SLC9B2: variants seen among roughly 807,000 people sequenced by gnomAD.
SLC9B2 encodes the protein sodium/hydrogen exchanger 9B2.
SLC9B2 carries 39 observed loss-of-function variants against 52.2 expected under a neutral mutation model. The observed-to-expected ratio is 0.75, with a 90% CI of 0.58 to 0.98. SLC9B2 has a LOEUF of 0.98. Ranked by LOEUF, SLC9B2 falls within the 50% of genes least tolerant of loss-of-function variation. The probability of loss-of-function intolerance (pLI) is 0.00; values close to 1 mark genes in which losing one functional copy is unlikely to be tolerated. For synonymous variants in SLC9B2, 214 were observed against 227.0 expected (o/e 0.94, Z 0.51); for missense variants, 626 against 637.5 (o/e 0.98, Z 0.19).
chr4:103,073,988 G>T (rs1245472169), intron 1 of SLC9B2, among the ~76,000 whole-genome samples: 1 of 152,174 alleles, frequency 6.6e-6, no homozygotes, highest in Non-Finnish European at 1.5e-5. Context: ...TATTGGCTAA[G>T]GAGTGAGCAT....
intron 8 of SLC9B2, among the ~76,000 whole-genome samples, chr4:103,044,642 C>T (rs910750057): frequency 5.9e-5 from 9 of 152,112 alleles, no homozygotes; most frequent in African/African-American, 9.7e-5. Context: ...TACTTTGGAA[C>T]GATATTATTT....
chr4:103,051,055 G>A (rs898825367), intron 4 of SLC9B2, among the ~76,000 whole-genome samples: 17 of 152,252 alleles, frequency 1.1e-4, no homozygotes, highest in African/African-American at 4.1e-4. Flanking sequence ...AGGCATGAGG[G>A]GGATGTTACA....
chr4:103,027,709 T>C (rs753076319), intron 11 of SLC9B2, among the ~76,000 whole-genome samples: 7 of 152,166 alleles, frequency 4.6e-5, no homozygotes, highest in Non-Finnish European at 8.8e-5. Flanking sequence ...CCTTCTATAA[T>C]AGAACTCCTG....
rs115134305 is a variant in SLC9B2 at position 103,047,066 on chromosome 4, T to C, written c.874A>G (p.Ile292Val). Residue 292 changes from isoleucine (I) to valine (V), a missense_variant, in exon 7 of 12, where the codon ATA (isoleucine) becomes GTA (valine). By Grantham distance (29) the Ile-to-Val change is conservative (BLOSUM62 3). Coordinates refer to ENST00000394785, the MANE Select transcript of SLC9B2 (RefSeq NM_178833.7). ...ATTAGGTTACCTGTGGAAAAGGCTATGCCCAAGCATGTGTTGAAGCCAGTG... is the reference window on the plus strand; with the variant it reads ...ATTAGGTTACCTGTGGAAAAGGCTACGCCCAAGCATGTGTTGAAGCCAGTG... ...AITGFNTCLG[I>V]AFSTGSTVFN... 9.8e-5 allele frequency: 158 copies of C among 1,614,002 alleles called. 2 individuals are homozygous for C. The African/African-American group carries it at 2.0e-3, about 20-fold the overall frequency.
rs780126113 is a variant in SLC9B2 at position 103,028,794 on chromosome 4, C to A, written c.1345G>T (p.Glu449Ter). 16 of 1,609,630 alleles carry A rather than the reference C, an allele frequency of 9.9e-6. No individual in the cohort carries two copies. The Admixed American group carries it at 2.4e-4, about 24-fold the overall frequency. ...MVCFAGFNLK[E>*]KIFISFAWLP... ...CATGCAAAAGAAATAAATATCTTTT[C>A]TTTTAAGTTAAAACCAGCAAAACAC... is the stretch of plus-strand genomic sequence containing the variant. The change falls in exon 11 of 12, where the codon GAA (glutamate) becomes TAA (stop). Residue 449 changes from glutamate to a stop codon, truncating the protein, a stop_gained. Coordinates refer to ENST00000394785, the MANE Select transcript of SLC9B2 (RefSeq NM_178833.7). LOFTEE classifies it high-confidence loss of function.
chr4:103,044,666 A>C (rs1743946489), intron 8 of SLC9B2, among the ~76,000 whole-genome samples: 1 of 152,238 alleles, frequency 6.6e-6, no homozygotes, highest in East Asian at 1.9e-4. Context: ...TTACAGTGGA[A>C]TTTGAAATGT....
At chr4:103,042,056 G>A (rs893574005) in intron 9 of SLC9B2, 2 of 151,948 alleles carry the variant, frequency 1.3e-5, no homozygotes, top group African/African-American at 4.8e-5. Context: ...AATTTGCAAA[G>A]ATTTTTAAAG....
At chr4:103,037,580 T>C in intron 9 of SLC9B2, among the ~76,000 whole-genome samples, 1 of 152,248 alleles carries the variant, frequency 6.6e-6, no homozygotes, top group East Asian at 1.9e-4. Flanking sequence ...GGGCATTGGT[T>C]GATTTATTTA....
At position 103,025,173 on chromosome 4, in the gene SLC9B2, C is replaced by T. The variant is rs139471414; in HGVS notation, c.*1197G>A. Among the ~76,000 whole-genome samples, 48 of 152,278 alleles carry T rather than the reference C, an allele frequency of 3.2e-4. No homozygotes were observed. The highest frequency in any genetic ancestry group is 1.1e-3 in the African/African-American group (47 of 41,546). ...AGAGATGTGTCCAACTTCCACATCA[C>T]TTCCTCAAAAATAAATTGCTATACT... On this transcript the variant is annotated 3_prime_UTR_variant, in exon 12 of 12. Transcript: ENST00000394785.
chr4:103,031,744 A>G lies in SLC9B2; in HGVS notation c.1211T>C (p.Ile404Thr), dbSNP rs780783152. 1 of 1,612,912 alleles carries G rather than the reference A, an allele frequency of 6.2e-7. No individual in the cohort carries two copies. Among genetic ancestry groups the G allele is most frequent in the Admixed American group, 1.7e-5 (1 of 59,872 alleles). The change falls in exon 10 of 12, where the codon ATT (isoleucine) becomes ACT (threonine). Residue 404 changes from isoleucine (I) to threonine (T), a missense_variant. By Grantham distance (89) the Ile-to-Thr change is moderately conservative. Transcript: ENST00000394785. ...DIFQPLLFGL[I>T]GAEVSIASLR... ...AGATGCAATAGATACCTCTGCTCCA[A>G]TTAGTCCAAAAAGAAGGGGCTGAAA...
At chr4:103,049,714 G>C (rs1346475507) in intron 5 of SLC9B2, among the ~76,000 whole-genome samples, 1 of 152,132 alleles carries the variant, frequency 6.6e-6, no homozygotes, top group Non-Finnish European at 1.5e-5. Flanking sequence ...CTTTCTCCAA[G>C]GAAGAGAATG....
At chr4:103,029,184 T>C (rs1250100305) in intron 10 of SLC9B2, among the ~76,000 whole-genome samples, 1 of 152,156 alleles carries the variant, frequency 6.6e-6, no homozygotes, top group Non-Finnish European at 1.5e-5. Context: ...TGCTTGTTCA[T>C]GTGTGTAAGA....
intron 3 of SLC9B2, among the ~76,000 whole-genome samples, chr4:103,060,662 T>C (rs1209165319): frequency 1.3e-5 from 2 of 151,968 alleles, no homozygotes; most frequent in South Asian, 2.1e-4. Context: ...CTTTTTAGTT[T>C]GTCTTTTGCA....
chr4:103,019,835 T>A (rs1741666528), downstream of SLC9B2: 3 of 985,636 alleles, frequency 3.0e-6, no homozygotes, highest in Non-Finnish European at 3.6e-6. Flanking sequence ...GTGTTTTCTG[T>A]CTATTGAACC....
In SLC9B2 at chr4:103,023,527, A is replaced by G. The variant is rs530047461; in HGVS notation, c.*2843T>C. 5.1e-4 allele frequency among the ~76,000 whole-genome samples: 77 copies of G among 152,320 alleles called. No individual in the cohort carries two copies. The highest frequency in any genetic ancestry group is 1.8e-3 in the African/African-American group (75 of 41,564). ...ACATGGTGAGCCCTGCTGAATGGTCAGCCTCTGTCATTCTTGACCTCACCA... is the reference window on the plus strand; with the variant it reads ...ACATGGTGAGCCCTGCTGAATGGTCGGCCTCTGTCATTCTTGACCTCACCA... On this transcript the variant is annotated 3_prime_UTR_variant, in exon 12 of 12. Transcript: ENST00000394785.
At chr4:103,020,598 G>A (rs989749545), downstream of SLC9B2, among the ~76,000 whole-genome samples, 1 of 152,098 alleles carries the variant, frequency 6.6e-6, no homozygotes, top group South Asian at 2.1e-4. Context: ...CCAAATTACC[G>A]TTCCTTCTTG....
At chr4:103,050,488 C>A in intron 4 of SLC9B2, 106 bp from the exon 5 acceptor site, 1 of 1,039,894 alleles carries the variant, frequency 9.6e-7, no homozygotes, top group Non-Finnish European at 1.3e-6. Flanking sequence ...AACCACTTCA[C>A]TTATGCTTAG....
intron 11 of SLC9B2, among the ~76,000 whole-genome samples, chr4:103,028,493 C>T (rs966522644): frequency 1.3e-5 from 2 of 152,130 alleles, no homozygotes; most frequent in Admixed American, 6.5e-5. Flanking sequence ...GTTACTACTG[C>T]TTTCTAGTAG....
chr4:103,051,153 T>C (rs950668873), intron 4 of SLC9B2, among the ~76,000 whole-genome samples: 1 of 152,090 alleles, frequency 6.6e-6, no homozygotes, highest in Non-Finnish European at 1.5e-5. Flanking sequence ...GAAAAGACAG[T>C]AGTTTATTCA....
Sources: gnomAD v4.1 joint callset for allele counts (sites outside exome capture counted in the v4.1 genomes callset) on GRCh38, gnomAD v4.1.1 for gene constraint, MANE v1.5 for transcripts, NCBI Gene and HGNC (gene_info 2026-07-23, HGNC 2026-07-21) for gene names.